MOCOS: variants seen among roughly 807,000 people sequenced by gnomAD.
MOCOS encodes the protein molybdenum cofactor sulfurase.
A neutral mutation model predicts 83.6 loss-of-function variants in MOCOS; 86 were observed. That is an observed-to-expected ratio of 1.03 (90% confidence interval 0.86 to 1.23). MOCOS has a LOEUF of 1.23. Among genes scored for constraint, MOCOS ranks in the 50% most tolerant of loss-of-function variants. The probability of loss-of-function intolerance (pLI) is 0.00; values close to 1 mark genes in which losing one functional copy is unlikely to be tolerated. For synonymous variants in MOCOS, 445 were observed against 434.7 expected, an observed-to-expected ratio of 1.02 and a Z score of -0.29; for missense variants, 1,120 against 1,126.9, an observed-to-expected ratio of 0.99 and a Z score of 0.09.
chr18:36,191,560 C>T (rs2091366171), intron 1 of MOCOS, among the ~76,000 whole-genome samples: 1 of 152,234 alleles, frequency 6.6e-6, no homozygotes, highest in African/African-American at 2.4e-5. Context: ...CCTCTTGCCT[C>T]AGCCTCCCAA....
intron 9 of MOCOS, among the ~76,000 whole-genome samples, chr18:36,247,667 T>A (rs897771740): frequency 1.3e-5 from 2 of 152,266 alleles, no homozygotes; most frequent in African/African-American, 4.8e-5. Flanking sequence ...CCTTGTCATC[T>A]GGATTTTCAG....
Position 36,257,536 on chromosome 18 carries a change from C to T in MOCOS, c.2270+463C>T, listed in dbSNP as rs7241562. 5.8e-3 allele frequency among the ~76,000 whole-genome samples: 890 copies of T among 152,188 alleles called. 13 individuals carry two copies. The highest frequency in any genetic ancestry group is 0.021 in the African/African-American group (861 of 41,526). ...AGGCACACTTTATTTGAAAGATGCA[C>T]CACAGATGGAATTAGCACCCCTCCC... On this transcript the variant is annotated intron_variant, in intron 12 of 14. Coordinates refer to ENST00000261326, the MANE Select transcript of MOCOS (RefSeq NM_017947.4).
At chr18:36,237,784 C>T (rs966748725) in intron 9 of MOCOS, among the ~76,000 whole-genome samples, 9 of 151,000 alleles carry the variant, frequency 6.0e-5, no homozygotes, top group African/African-American at 2.2e-4. Flanking sequence ...GGTTGGTAAG[C>T]TATTGATTAT....
chr18:36,244,444 T>C (rs1202716711), intron 9 of MOCOS, among the ~76,000 whole-genome samples: 1 of 152,192 alleles, frequency 6.6e-6, no homozygotes, highest in African/African-American at 2.4e-5. Flanking sequence ...AGAGTTCTTT[T>C]TGGAGTTAAT....
intron 9 of MOCOS, among the ~76,000 whole-genome samples, chr18:36,228,439 A>G (rs1416538612): frequency 6.6e-6 from 1 of 152,268 alleles, no homozygotes; most frequent in Non-Finnish European, 1.5e-5. Context: ...TTAAATGCCC[A>G]TCAATAATAG....
At chr18:36,238,956 C>G (rs1484984384) in intron 9 of MOCOS, among the ~76,000 whole-genome samples, 4 of 151,142 alleles carry the variant, frequency 2.6e-5, no homozygotes, top group Non-Finnish European at 5.9e-5. Flanking sequence ...AGGATTGCAA[C>G]CCCTGCCTTT....
chr18:36,266,460 T>C (rs945270682), intron 13 of MOCOS, among the ~76,000 whole-genome samples: 1 of 152,092 alleles, frequency 6.6e-6, no homozygotes, highest in Non-Finnish European at 1.5e-5. Context: ...CTTTTTCCAA[T>C]TTGTCTTCCC....
chr18:36,270,245 G>C lies in MOCOS; in HGVS notation c.*1560G>C, dbSNP rs1221904850. Reference sequence around the variant, plus strand: ...CATATGAGTGGACTTGTCCTCATCAGCTAACTGATAGGAGAACAATGCCCT... The same window carrying C: ...CATATGAGTGGACTTGTCCTCATCACCTAACTGATAGGAGAACAATGCCCT... On this transcript the variant is annotated 3_prime_UTR_variant, in exon 15 of 15. Transcript: ENST00000261326. The C allele has an allele frequency of 6.6e-6, 1 of 152,176 alleles. No individual in the cohort carries two copies. Among genetic ancestry groups the C allele is most frequent in the East Asian group, 1.9e-4 (1 of 5,196 alleles). 9.4% of individuals were successfully genotyped at this position (152,176 alleles called of 1,614,324 possible).
chr18:36,247,820 G>A (rs932136885), intron 9 of MOCOS, among the ~76,000 whole-genome samples: 3 of 152,196 alleles, frequency 2.0e-5, no homozygotes, highest in African/African-American at 7.2e-5. Flanking sequence ...TTCCTGATAT[G>A]TTCCTGCAGC....
chr18:36,251,218 G>C lies in MOCOS; in HGVS notation c.2099G>C (p.Arg700Pro), dbSNP rs759224725. The C allele has an allele frequency of 6.2e-7, 1 of 1,613,750 alleles. No homozygotes were observed. Among genetic ancestry groups the C allele is most frequent in the Admixed American group, 1.7e-5 (1 of 60,004 alleles). The change falls in exon 11 of 15, where the codon CGT becomes CCT. Residue 700 changes from arginine to proline, a missense_variant. Arg to Pro is a moderately radical substitution (Grantham distance 103, BLOSUM62 -2). Coordinates refer to ENST00000261326, the MANE Select transcript of MOCOS (RefSeq NM_017947.4). ...AGCTGGTTGTCAACATTTTTTGGCC[G>C]TCCTTGTCATTTGATCAAACAAAGT... Reference protein sequence around the residue: ...ISSWLSTFFGRPCHLIKQSSN... With the variant: ...ISSWLSTFFGPPCHLIKQSSN...
intron 12 of MOCOS, 146 bp from the exon 13 acceptor site, chr18:36,259,891 G>A: frequency 8.6e-7 from 1 of 1,160,558 alleles, no homozygotes; most frequent in East Asian, 2.4e-5. Context: ...TGCACTCATG[G>A]TAAAAGTCTG....
chr18:36,190,473 G>C (rs1041704611), intron 1 of MOCOS, among the ~76,000 whole-genome samples: 3 of 152,152 alleles, frequency 2.0e-5, no homozygotes, highest in Admixed American at 6.5e-5. Flanking sequence ...GCACAAACTG[G>C]GTATGGTGGC....
At chr18:36,252,675 C>T (rs1243603792) in intron 11 of MOCOS, among the ~76,000 whole-genome samples, 1 of 152,102 alleles carries the variant, frequency 6.6e-6, no homozygotes, top group African/African-American at 2.4e-5. Flanking sequence ...AGTGAGTTAT[C>T]ATCACACCAG....
At chr18:36,246,034 A>AT (rs1468310066) in intron 9 of MOCOS, among the ~76,000 whole-genome samples, 4 of 151,886 alleles carry the variant, frequency 2.6e-5, no homozygotes, top group East Asian at 1.9e-4. Context: ...CATATCCTGT[A>AT]TTTTTTTAAA....
At chr18:36,203,501 G>A (rs954366214) in intron 5 of MOCOS, among the ~76,000 whole-genome samples, 9 of 152,206 alleles carry the variant, frequency 5.9e-5, no homozygotes, top group Non-Finnish European at 1.0e-4. Flanking sequence ...TACAGATCCT[G>A]AGGCCTTTAC....
chr18:36,198,392 C>A (rs994443955), intron 2 of MOCOS, among the ~76,000 whole-genome samples: 2 of 152,170 alleles, frequency 1.3e-5, no homozygotes, highest in African/African-American at 4.8e-5. Context: ...GAACAAAAAA[C>A]CAAATCACTT....
At chr18:36,255,888 T>G (rs1394249050) in intron 11 of MOCOS, among the ~76,000 whole-genome samples, 3 of 51,872 alleles carry the variant, frequency 5.8e-5, no homozygotes, top group East Asian at 6.5e-4. Context: ...TTAGTAGTTT[T>G]TTTTTTTTTT....
At position 36,268,691 on chromosome 18, in the gene MOCOS, AT is replaced by A. The variant is rs779680874; in HGVS notation, c.*11del. On this transcript the variant is annotated 3_prime_UTR_variant, in exon 15 of 15. Transcript: ENST00000261326. ...ACCAGGATGTTACCTCCTAAAAAAA[AT>A]TTTTAGCATAAAGTTTCTCTTTTAC... 3.3e-6 allele frequency: 5 copies of A among 1,503,342 alleles called. No individual in the cohort carries two copies. The highest frequency in any genetic ancestry group is 4.4e-6 in the Non-Finnish European group (5 of 1,129,700). The allele number at this position is 1,503,342 out of a possible 1,614,324, so 93.1% of individuals were successfully genotyped here. A position where few individuals can be genotyped will look rare whatever the true frequency, so the allele number is the denominator to read the frequency against.
chr18:36,218,404 G>A (rs1345377834), intron 8 of MOCOS, among the ~76,000 whole-genome samples: 9 of 151,636 alleles, frequency 5.9e-5, no homozygotes, highest in Non-Finnish European at 1.5e-5. Context: ...CCGGGTCTTC[G>A]AAAAAGCCAG....
Sources: gnomAD v4.1 joint callset for allele counts (sites outside exome capture counted in the v4.1 genomes callset) on GRCh38, gnomAD v4.1.1 for gene constraint, MANE v1.5 for transcripts, NCBI Gene and HGNC (gene_info 2026-07-23, HGNC 2026-07-21) for gene names.